The following SAMTOR variants were observed in gnomAD, a reference collection of about 807,000 sequenced individuals.
SAMTOR encodes UPF0532 protein C7orf60.
At chr7:112,855,423 T>C in the SAMTOR span, among the ~76,000 whole-genome samples, 1 of 152,196 alleles carries the variant, frequency 6.6e-6, no homozygotes, top group Non-Finnish European at 1.5e-5. Context: ...CTAATAAAGC[T>C]GAAACCAAGG....
the SAMTOR span, among the ~76,000 whole-genome samples, chr7:112,929,806 C>G: frequency 6.6e-6 from 1 of 152,000 alleles, no homozygotes; most frequent in Non-Finnish European, 1.5e-5. Context: ...AATGGTTTTA[C>G]AGAGATGCAT....
At chr7:112,859,499 A>G in the SAMTOR span, among the ~76,000 whole-genome samples, 1 of 152,180 alleles carries the variant, frequency 6.6e-6, no homozygotes, top group Non-Finnish European at 1.5e-5. Context: ...CACTTTTGTT[A>G]TATTAGTGTA....
chr7:112,904,261 T>C, the SAMTOR span, among the ~76,000 whole-genome samples: 2 of 152,086 alleles, frequency 1.3e-5, no homozygotes, highest in Non-Finnish European at 2.9e-5. Context: ...ATACATGGAA[T>C]AGTCACAAAA....
At chr7:112,874,858 A>C in the SAMTOR span, among the ~76,000 whole-genome samples, 1 of 152,176 alleles carries the variant, frequency 6.6e-6, no homozygotes, top group African/African-American at 2.4e-5. Context: ...TAACCACATA[A>C]AACCAGTCTG....
chr7:112,863,996 A>G, the SAMTOR span, among the ~76,000 whole-genome samples: 5 of 152,366 alleles, frequency 3.3e-5, no homozygotes, highest in Middle Eastern at 6.8e-3. Flanking sequence ...CATGGAATCA[A>G]CCTAAATGCC....
At chr7:112,856,594 T>C in the SAMTOR span, among the ~76,000 whole-genome samples, 2 of 152,190 alleles carry the variant, frequency 1.3e-5, no homozygotes, top group Non-Finnish European at 2.9e-5. Flanking sequence ...GCATATCTTT[T>C]TTGCTATAGT....
At chr7:112,851,903 G>A in the SAMTOR span, among the ~76,000 whole-genome samples, 2 of 152,058 alleles carry the variant, frequency 1.3e-5, no homozygotes, top group African/African-American at 2.4e-5. Context: ...ATGAAAAAAT[G>A]TTCAACAACT....
the SAMTOR span, among the ~76,000 whole-genome samples, chr7:112,927,932 T>A: frequency 6.6e-6 from 1 of 151,970 alleles, no homozygotes; most frequent in Non-Finnish European, 1.5e-5. Flanking sequence ...ACCAAATTAT[T>A]TTGAATCTTA....
At chr7:112,857,875 C>T in the SAMTOR span, among the ~76,000 whole-genome samples, 1 of 152,094 alleles carries the variant, frequency 6.6e-6, no homozygotes, top group African/African-American at 2.4e-5. Flanking sequence ...CTATGACATC[C>T]CAGTAAGATG....
chr7:112,871,046 G>A, the SAMTOR span, among the ~76,000 whole-genome samples: 1 of 152,086 alleles, frequency 6.6e-6, no homozygotes, highest in African/African-American at 2.4e-5. Context: ...TACTTCTATA[G>A]TCAGGAAAAG....
chr7:112,871,508 A>T, the SAMTOR span, among the ~76,000 whole-genome samples: 1 of 152,238 alleles, frequency 6.6e-6, no homozygotes, highest in African/African-American at 2.4e-5. Context: ...AACCTCTACA[A>T]TGCAGCAAAA....
chr7:112,917,098 G>C, the SAMTOR span, among the ~76,000 whole-genome samples: 1 of 152,242 alleles, frequency 6.6e-6, no homozygotes, highest in Non-Finnish European at 1.5e-5. Flanking sequence ...GAAGAGAGCA[G>C]TGGTTCTCCC....
chr7:112,937,066 A>G, the SAMTOR span, among the ~76,000 whole-genome samples: 6 of 152,226 alleles, frequency 3.9e-5, no homozygotes, highest in Admixed American at 3.9e-4. Context: ...TGTAAAATGA[A>G]GAAGCTATTA....
chr7:112,849,327 G>GT, the SAMTOR span, among the ~76,000 whole-genome samples: 1 of 152,056 alleles, frequency 6.6e-6, no homozygotes, highest in Non-Finnish European at 1.5e-5. Flanking sequence ...GTTTGGTACA[G>GT]TAAAAAAAGG....
chr7:112,850,459 C>G, the SAMTOR span, among the ~76,000 whole-genome samples: 1 of 152,136 alleles, frequency 6.6e-6, no homozygotes, highest in African/African-American at 2.4e-5. Flanking sequence ...TTTTTGGGAA[C>G]AGTATCAGTA....
chr7:112,907,352 A>G, the SAMTOR span, among the ~76,000 whole-genome samples: 28 of 152,318 alleles, frequency 1.8e-4, no homozygotes, highest in Non-Finnish European at 2.8e-4. Flanking sequence ...TCAGAGATTT[A>G]ATGTAATAAA....
At chr7:112,907,837 AC>A in the SAMTOR span, among the ~76,000 whole-genome samples, 15 of 126,136 alleles carry the variant, frequency 1.2e-4, no homozygotes, top group African/African-American at 3.3e-4. Flanking sequence ...GGGTATTCTT[AC>A]TTACTTATTT....
the SAMTOR span, among the ~76,000 whole-genome samples, chr7:112,902,449 C>A: frequency 0.35 from 18,460 of 52,434 alleles, 3,172 homozygotes; most frequent in East Asian, 0.69. Context: ...CAAAAAAAAA[C>A]AAAAAAAAAA....
chr7:112,882,158 C>T, the SAMTOR span, among the ~76,000 whole-genome samples: 3,021 of 152,324 alleles, frequency 0.02, 48 homozygotes, highest in South Asian at 0.041. Flanking sequence ...GCAGCTGGCA[C>T]GCCTGGCTGT....
Sources: allele counts gnomAD v4.1 joint callset (sites outside exome capture counted in the v4.1 genomes callset), GRCh38; gene constraint gnomAD v4.1.1; transcripts MANE v1.5; gene names NCBI Gene and HGNC (gene_info 2026-07-23, HGNC 2026-07-21).